SPATA31F1: variants seen among roughly 807,000 people sequenced by gnomAD.
The protein encoded by SPATA31F1 is protein SPATA31F1.
At chr9:34,723,460 A>G in the SPATA31F1 span, 4 of 1,551,672 alleles carry the variant, frequency 2.6e-6, no homozygotes, top group Non-Finnish European at 3.5e-6. Flanking sequence ...TTCTCCCCAC[A>G]GGGCTCTTGG....
chr9:34,729,398 T>A, the SPATA31F1 span: 15 of 1,550,950 alleles, frequency 9.7e-6, no homozygotes, highest in African/African-American at 1.4e-5. Context: ...GATATCCAAC[T>A]TCCCACAGAA....
chr9:34,724,776 C>T, the SPATA31F1 span: 2 of 1,551,684 alleles, frequency 1.3e-6, no homozygotes, highest in Non-Finnish European at 8.7e-7. Flanking sequence ...AGAGGCTCTG[C>T]TGGGATTTCC....
the SPATA31F1 span, chr9:34,723,552 C>T: frequency 1.3e-6 from 2 of 1,551,778 alleles, no homozygotes; most frequent in South Asian, 2.4e-5. Context: ...TCCTCATGCC[C>T]TTTGCCTTTT....
the SPATA31F1 span, chr9:34,729,360 A>G: frequency 1.3e-6 from 2 of 1,551,678 alleles, no homozygotes; most frequent in Non-Finnish European, 1.7e-6. Flanking sequence ...TACAATAACG[A>G]TGAAGATGGA....
chr9:34,728,708 T>C, the SPATA31F1 span: 3 of 1,499,296 alleles, frequency 2.0e-6, no homozygotes, highest in Non-Finnish European at 2.7e-6. Context: ...TTCTTTCTCA[T>C]GTCCAAAATG....
the SPATA31F1 span, chr9:34,726,356 A>G: frequency 6.5e-7 from 1 of 1,547,556 alleles, no homozygotes; most frequent in Non-Finnish European, 8.7e-7. Context: ...ATGTACCTCA[A>G]GAAGCCTCAG....
chr9:34,723,281 C>A, the SPATA31F1 span: 1 of 1,551,706 alleles, frequency 6.4e-7, no homozygotes, highest in Non-Finnish European at 8.7e-7. Context: ...AGGACAGTGA[C>A]GAGGGCAGTG....
chr9:34,723,854 G>A, the SPATA31F1 span: 1 of 1,551,580 alleles, frequency 6.4e-7, no homozygotes, highest in African/African-American at 1.4e-5. Context: ...TTTCTCCCCA[G>A]GGACTCGTGG....
At chr9:34,726,734 G>T in the SPATA31F1 span, 3 of 1,551,572 alleles carry the variant, frequency 1.9e-6, no homozygotes, top group East Asian at 4.9e-5. Flanking sequence ...CAGTGTTGGG[G>T]TTACAGATGA....
chr9:34,727,429 G>T, the SPATA31F1 span, among the ~76,000 whole-genome samples: 1 of 152,176 alleles, frequency 6.6e-6, no homozygotes, highest in African/African-American at 2.4e-5. Flanking sequence ...GGTCCTTGTG[G>T]GACTTCTGCA....
the SPATA31F1 span, among the ~76,000 whole-genome samples, chr9:34,729,130 A>G: frequency 6.6e-6 from 1 of 152,220 alleles, no homozygotes; most frequent in Non-Finnish European, 1.5e-5. Flanking sequence ...AGGGCCTGGT[A>G]AGGAATTATA....
At chr9:34,726,949 G>C in the SPATA31F1 span, 3 of 1,551,272 alleles carry the variant, frequency 1.9e-6, no homozygotes, top group East Asian at 2.4e-5. Context: ...CTGCACACAG[G>C]ATTCGCCGCA....
chr9:34,728,067 C>T, the SPATA31F1 span: 876 of 1,551,902 alleles, frequency 5.6e-4, 8 homozygotes, highest in South Asian at 9.5e-3. Context: ...AGCTTCTTCC[C>T]GGGAACGTCT....
the SPATA31F1 span, chr9:34,723,917 G>A: frequency 3.2e-6 from 5 of 1,551,576 alleles, no homozygotes; most frequent in Non-Finnish European, 4.4e-6. Flanking sequence ...GTGTTGACAG[G>A]GATCAGCAAG....
chr9:34,728,205 T>G, the SPATA31F1 span: 1 of 803,558 alleles, frequency 1.2e-6, no homozygotes, highest in Non-Finnish European at 2.0e-6. Context: ...AAGTCCGTAC[T>G]CTAAGGCATG....
the SPATA31F1 span, chr9:34,728,210 G>A: frequency 1.3e-6 from 1 of 767,824 alleles, no homozygotes; most frequent in Middle Eastern, 2.4e-4. Context: ...CGTACTCTAA[G>A]GCATGTCTGA....
the SPATA31F1 span, among the ~76,000 whole-genome samples, chr9:34,728,419 C>T: frequency 6.6e-6 from 1 of 152,128 alleles, no homozygotes; most frequent in South Asian, 2.1e-4. Context: ...TCTTCATTTC[C>T]AGGGCATTGA....
At chr9:34,723,239 G>A in the SPATA31F1 span, 2 of 1,551,226 alleles carry the variant, frequency 1.3e-6, no homozygotes, top group Non-Finnish European at 1.7e-6. Flanking sequence ...GAGCTAGGTT[G>A]GGTGCCCTGG....
chr9:34,728,745 T>A, the SPATA31F1 span: 12 of 1,174,698 alleles, frequency 1.0e-5, no homozygotes, highest in African/African-American at 1.5e-5. Context: ...CATTTTTCAC[T>A]CGCTTTGTAT....
Sources: gnomAD v4.1 joint callset for allele counts (sites outside exome capture counted in the v4.1 genomes callset) on GRCh38, gnomAD v4.1.1 for gene constraint, MANE v1.5 for transcripts, NCBI Gene and HGNC (gene_info 2026-07-23, HGNC 2026-07-21) for gene names.